SNTG1: variants seen among roughly 807,000 people sequenced by gnomAD.
SNTG1 encodes the protein gamma-1-syntrophin.
SNTG1 carries 39 observed loss-of-function variants against 74.7 expected under a neutral mutation model. The observed-to-expected ratio is 0.52, with a 90% CI of 0.40 to 0.68. The LOEUF (loss-of-function observed/expected upper bound fraction) is 0.68. SNTG1 is among the 30% of genes least tolerant of loss of function. The probability of loss-of-function intolerance (pLI) is 0.00; values close to 1 mark genes in which losing one functional copy is unlikely to be tolerated. For synonymous variants in SNTG1, 254 were observed against 217.1 expected, an observed-to-expected ratio of 1.17 and a Z score of -1.49; for missense variants, 685 against 609.5, an observed-to-expected ratio of 1.12 and a Z score of -1.30.
chr8:50,790,788 A>G (rs1257836019), intron 18 of SNTG1, among the ~76,000 whole-genome samples: 1 of 151,956 alleles, frequency 6.6e-6, no homozygotes, highest in Non-Finnish European at 1.5e-5. Context: ...ATTGATAAAT[A>G]ATTGACAAGG....
At chr8:49,934,211 A>T (rs1226557628) in intron 1 of SNTG1, among the ~76,000 whole-genome samples, 1 of 151,994 alleles carries the variant, frequency 6.6e-6, no homozygotes, top group Admixed American at 6.6e-5. Context: ...CCCTGATTAC[A>T]CATACCTTTC....
chr8:50,540,615 A>T (rs367989530), intron 11 of SNTG1, among the ~76,000 whole-genome samples: 4 of 152,186 alleles, frequency 2.6e-5, no homozygotes, highest in East Asian at 3.9e-4. Context: ...ATGATGGTAG[A>T]TCTGTGTGTT....
At chr8:50,284,896 A>C (rs991069015) in intron 2 of SNTG1, among the ~76,000 whole-genome samples, 1 of 152,142 alleles carries the variant, frequency 6.6e-6, no homozygotes, top group Non-Finnish European at 1.5e-5. Flanking sequence ...ACATTTTTGC[A>C]AAAAGCAACT....
chr8:49,978,627 G>A (rs542180152), intron 1 of SNTG1, among the ~76,000 whole-genome samples: 1 of 152,218 alleles, frequency 6.6e-6, no homozygotes, highest in Admixed American at 6.5e-5. Flanking sequence ...TCATTTAATA[G>A]TCTACCAGAA....
chr8:50,229,395 A>G (rs1341999340), intron 2 of SNTG1, among the ~76,000 whole-genome samples: 2 of 151,542 alleles, frequency 1.3e-5, no homozygotes, highest in Admixed American at 6.6e-5. Context: ...AACTAAAAGG[A>G]TAGAGAAAGA....
rs553523830 is a variant in SNTG1 at position 50,369,855 on chromosome 8, G to C, written c.-27-24357G>C. 3.5e-4 allele frequency among the ~76,000 whole-genome samples: 54 copies of C among 152,314 alleles called. 1 individual carries two copies. In the South Asian group the frequency reaches 8.9e-3, roughly 25 times the overall value. ...GATGCCAAGTGTCATTCTAGGGAAA[G>C]AGACTTTTAAGAATGAATTTTCTGA... is the stretch of plus-strand genomic sequence containing the variant. On this transcript the variant is annotated intron_variant, in intron 2 of 18. Transcript: ENST00000642720.
At chr8:49,935,245 G>A (rs1585564616) in intron 1 of SNTG1, among the ~76,000 whole-genome samples, 1 of 150,044 alleles carries the variant, frequency 6.7e-6, no homozygotes, top group South Asian at 2.1e-4. Flanking sequence ...GTGTGTTTGT[G>A]TGTGTTAAAG....
At chr8:50,387,470 A>C (rs1219451038) in intron 2 of SNTG1, among the ~76,000 whole-genome samples, 1 of 152,128 alleles carries the variant, frequency 6.6e-6, no homozygotes, top group East Asian at 1.9e-4. Context: ...CGATCCTGGC[A>C]TTTTAATGTA....
At chr8:50,494,120 T>TACAC (rs911727660) in intron 8 of SNTG1, among the ~76,000 whole-genome samples, 13 of 148,894 alleles carry the variant, frequency 8.7e-5, no homozygotes, top group African/African-American at 2.5e-4. Context: ...TATGTATATA[T>TACAC]ACACACACAC....
In SNTG1 at chr8:50,201,339, CTG is replaced by C. The variant is rs36089601; in HGVS notation, c.-28+28706_-28+28707del. On this transcript the variant is annotated intron_variant, in intron 2 of 18. Coordinates refer to ENST00000642720, the MANE Select transcript of SNTG1 (RefSeq NM_018967.5). Reference sequence around the variant, plus strand: ...TTTAAACATAATTTAATATTTAAAACTGTTTTAGATTTAAAGAAAAATTGAAA... The same window carrying C: ...TTTAAACATAATTTAATATTTAAAACTTTTAGATTTAAAGAAAAATTGAAA... Among the ~76,000 whole-genome samples, 1,237 of 152,154 alleles carry C rather than the reference CTG, an allele frequency of 8.1e-3. 18 individuals carry two copies. The highest frequency in any genetic ancestry group is 0.029 in the African/African-American group (1,187 of 41,540).
chr8:50,591,356 C>G (rs911475961), intron 13 of SNTG1, among the ~76,000 whole-genome samples: 1 of 152,018 alleles, frequency 6.6e-6, no homozygotes, highest in Non-Finnish European at 1.5e-5. Context: ...GTTCTATAAA[C>G]CTCTTACTCT....
intron 3 of SNTG1, 118 bp downstream of exon 3, chr8:50,394,383 G>A (rs763172926): frequency 4.1e-6 from 4 of 970,464 alleles, no homozygotes; most frequent in Non-Finnish European, 6.1e-6. Flanking sequence ...GAGGAGGATG[G>A]GCTCTTTTTC....
chr8:50,108,654 C>T (rs1160424928), intron 1 of SNTG1, among the ~76,000 whole-genome samples: 3 of 152,134 alleles, frequency 2.0e-5, no homozygotes, highest in African/African-American at 7.2e-5. Flanking sequence ...TTGTGATTTT[C>T]TTGAACCTAA....
chr8:50,236,866 C>T (rs1176683280), intron 2 of SNTG1, among the ~76,000 whole-genome samples: 1 of 151,352 alleles, frequency 6.6e-6, no homozygotes, highest in East Asian at 1.9e-4. Flanking sequence ...GTTTCTTCCT[C>T]CTGTACTTTC....
intron 1 of SNTG1, among the ~76,000 whole-genome samples, chr8:50,065,674 T>C (rs1261658127): frequency 6.6e-6 from 1 of 152,184 alleles, no homozygotes; most frequent in African/African-American, 2.4e-5. Flanking sequence ...CAACAGAATG[T>C]TATGCATTTT....
rs115078628 is a variant in SNTG1 at position 50,245,231 on chromosome 8, C to T, written c.-28+72596C>T. ...TCATGCTTGGGGCTTCTCTCACACT[C>T]CTGAAAGCACACTGATCTGGAGTTT... On this transcript the variant is annotated intron_variant, in intron 2 of 18. Transcript: ENST00000642720. Among the ~76,000 whole-genome samples the T allele has an allele frequency of 2.8e-3, 428 of 152,242 alleles. 4 individuals carry two copies. Among genetic ancestry groups the T allele is most frequent in the African/African-American group, 9.6e-3 (397 of 41,564 alleles).
At chr8:50,557,712 T>A (rs2094464738) in intron 12 of SNTG1, among the ~76,000 whole-genome samples, 2 of 152,228 alleles carry the variant, frequency 1.3e-5, no homozygotes, top group Non-Finnish European at 2.9e-5. Context: ...GAAGTAGATC[T>A]GCAAGGACCC....
chr8:50,607,169 A>T (rs1242346511), intron 13 of SNTG1, among the ~76,000 whole-genome samples: 1 of 151,838 alleles, frequency 6.6e-6, no homozygotes, highest in Non-Finnish European at 1.5e-5. Flanking sequence ...AGTATTATTT[A>T]ATTTTCATAT....
intron 8 of SNTG1, among the ~76,000 whole-genome samples, chr8:50,489,168 A>G (rs1158252669): frequency 6.6e-6 from 1 of 152,186 alleles, no homozygotes; most frequent in African/African-American, 2.4e-5. Flanking sequence ...TTCTTTATTC[A>G]GTCTATCATT....
Sources: allele counts gnomAD v4.1 joint callset (sites outside exome capture counted in the v4.1 genomes callset), GRCh38; gene constraint gnomAD v4.1.1; transcripts MANE v1.5; gene names NCBI Gene and HGNC (gene_info 2026-07-23, HGNC 2026-07-21).